Variants in RALGPS2 observed in about 807,000 individuals in gnomAD.
The protein encoded by RALGPS2 is Ral GEF with PH domain and SH3 binding motif 2, also known as ras-specific guanine nucleotide-releasing factor RalGPS2.
Under a neutral mutation model 86.8 loss-of-function variants are expected in RALGPS2, and 43 were observed. That is an observed-to-expected ratio of 0.50 (90% CI 0.39 to 0.64). The LOEUF is 0.64. Ranked by LOEUF, RALGPS2 falls within the 30% of genes least tolerant of loss-of-function variation. RALGPS2 has a pLI of 0.00. For synonymous variants in RALGPS2, 243 were observed against 231.3 expected, an observed-to-expected ratio of 1.05 and a Z score of -0.46; for missense variants, 536 against 694.6, an observed-to-expected ratio of 0.77 and a Z score of 2.57.
intron 1 of RALGPS2, among the ~76,000 whole-genome samples, chr1:178,768,977 G>C (rs539779021): frequency 1.9e-4 from 29 of 152,252 alleles, no homozygotes; most frequent in African/African-American, 6.7e-4. Flanking sequence ...GGAATGGTAG[G>C]GTGGCTCAGG....
intron 18 of RALGPS2, among the ~76,000 whole-genome samples, chr1:178,905,625 G>A (rs1660358877): frequency 6.6e-6 from 1 of 152,140 alleles, no homozygotes; most frequent in African/African-American, 2.4e-5. Context: ...ATTGAATGCA[G>A]TTATTAAGGA....
chr1:178,885,859 T>G (rs1180773817), intron 12 of RALGPS2, 110 bp from the exon 13 acceptor site: 1 of 958,340 alleles, frequency 1.0e-6, no homozygotes, highest in Non-Finnish European at 1.5e-6. Context: ...TATGGTAAGA[T>G]CTGAGTATGA....
chr1:178,887,964 G>A (rs1659560896), intron 13 of RALGPS2, among the ~76,000 whole-genome samples: 1 of 151,982 alleles, frequency 6.6e-6, no homozygotes, highest in Admixed American at 6.6e-5. Flanking sequence ...CAGCTCTCAA[G>A]TATATAATAT....
intron 19 of RALGPS2, among the ~76,000 whole-genome samples, chr1:178,907,311 A>G (rs1182988066): frequency 1.3e-5 from 2 of 152,200 alleles, no homozygotes; most frequent in African/African-American, 2.4e-5. Flanking sequence ...AAGCACAGAA[A>G]GGTAGCTAGT....
intron 1 of RALGPS2, among the ~76,000 whole-genome samples, chr1:178,768,774 G>A (rs1205264996): frequency 2.0e-5 from 3 of 152,228 alleles, no homozygotes; most frequent in Non-Finnish European, 4.4e-5. Context: ...AATCCAGTGG[G>A]TGGCCACCAG....
chr1:178,834,107 A>C (rs1426473404), intron 8 of RALGPS2, among the ~76,000 whole-genome samples: 1 of 152,170 alleles, frequency 6.6e-6, no homozygotes, highest in Non-Finnish European at 1.5e-5. Flanking sequence ...TTAACCAGTA[A>C]TATTATAAGA....
intron 1 of RALGPS2, among the ~76,000 whole-genome samples, chr1:178,768,398 T>C (rs955528758): frequency 2.6e-5 from 4 of 152,184 alleles, no homozygotes; most frequent in African/African-American, 9.7e-5. Context: ...CTTTCCCCAC[T>C]CCCTAGGGGG....
chr1:178,791,498 A>G (rs1236789624), intron 4 of RALGPS2, among the ~76,000 whole-genome samples: 1 of 152,134 alleles, frequency 6.6e-6, no homozygotes, highest in Non-Finnish European at 1.5e-5. Flanking sequence ...GTTTATTTAT[A>G]TTAAAATATG....
At chr1:178,884,846 G>C (rs980475937) in intron 11 of RALGPS2, among the ~76,000 whole-genome samples, 2 of 152,166 alleles carry the variant, frequency 1.3e-5, no homozygotes, top group East Asian at 3.8e-4. Flanking sequence ...TATGTAAATG[G>C]AGAAAATATT....
intron 4 of RALGPS2, among the ~76,000 whole-genome samples, chr1:178,790,523 T>C (rs1394431224): frequency 6.6e-6 from 1 of 152,232 alleles, no homozygotes; most frequent in East Asian, 1.9e-4. Flanking sequence ...TTTCTTTATG[T>C]ATAGGTATCC....
At chr1:178,882,102 T>G (rs534089690) in intron 10 of RALGPS2, among the ~76,000 whole-genome samples, 1 of 152,352 alleles carries the variant, frequency 6.6e-6, no homozygotes, top group Non-Finnish European at 1.5e-5. Flanking sequence ...GACGATGTTG[T>G]AAGCAGCTGG....
chr1:178,899,547 T>C (rs538281334), intron 17 of RALGPS2, among the ~76,000 whole-genome samples: 16 of 151,864 alleles, frequency 1.1e-4, no homozygotes, highest in African/African-American at 3.1e-4. Context: ...GAGGAAAATA[T>C]CTGCTATATG....
intron 8 of RALGPS2, among the ~76,000 whole-genome samples, chr1:178,846,107 T>C (rs1020020935): frequency 5.3e-5 from 8 of 152,236 alleles, no homozygotes; most frequent in African/African-American, 1.9e-4. Context: ...AATAGTTTTG[T>C]ATTCATATTT....
intron 8 of RALGPS2, among the ~76,000 whole-genome samples, chr1:178,839,827 A>G (rs985801110): frequency 2.0e-5 from 3 of 152,216 alleles, no homozygotes; most frequent in African/African-American, 7.2e-5. Context: ...TCTGCCAAGC[A>G]AATGGAAAAC....
At chr1:178,865,819 C>A (rs1282082712) in intron 8 of RALGPS2, 2 of 1,452,708 alleles carry the variant, frequency 1.4e-6, no homozygotes, top group Non-Finnish European at 9.2e-7. Context: ...AAAAACAAAT[C>A]AGTGAAGGAG....
chr1:178,741,632 A>G lies in RALGPS2; in HGVS notation c.-84+16213A>G, dbSNP rs1446661584. 2.6e-5 allele frequency among the ~76,000 whole-genome samples: 4 copies of G among 152,206 alleles called. No homozygotes were observed. In the East Asian group the frequency reaches 7.7e-4, roughly 29 times the overall value. ...ATGGTAAGTTAAAGTTAAATACTAT[A>G]AATCCTAACACAATCCTGTGAAACA... On this transcript the variant is annotated intron_variant, in intron 1 of 19. Transcript: ENST00000367635.
Position 178,883,530 on chromosome 1 carries a change from G to GT in RALGPS2, c.902dup (p.Gly302ArgfsTer3). On this transcript the variant is annotated frameshift_variant, in exon 11 of 20. Coordinates refer to ENST00000367635, the MANE Select transcript of RALGPS2 (RefSeq NM_152663.5). LOFTEE classifies it high-confidence loss of function. ...TTCTGCTGCTTCCAGAGAAGATTTA[G>GT]TAGGTCAGTACGTAGTTTTCTCTTG... 1 of 1,609,048 alleles carries GT rather than the reference G, an allele frequency of 6.2e-7. No homozygotes were observed. The highest frequency in any genetic ancestry group is 8.5e-7 in the Non-Finnish European group (1 of 1,175,478).
At chr1:178,793,935 AG>A (rs1469210039) in intron 4 of RALGPS2, among the ~76,000 whole-genome samples, 1 of 152,164 alleles carries the variant, frequency 6.6e-6, no homozygotes, top group Non-Finnish European at 1.5e-5. Flanking sequence ...AATGCTGAGT[AG>A]GGCAGAAGTT....
chr1:178,754,075 G>A (rs1373293204), intron 1 of RALGPS2, among the ~76,000 whole-genome samples: 1 of 151,910 alleles, frequency 6.6e-6, no homozygotes, highest in African/African-American at 2.4e-5. Context: ...GCCCGCCTCG[G>A]CCTCCCAAAG....
Sources: gnomAD v4.1 joint callset for allele counts (sites outside exome capture counted in the v4.1 genomes callset) on GRCh38, gnomAD v4.1.1 for gene constraint, MANE v1.5 for transcripts, NCBI Gene and HGNC (gene_info 2026-07-23, HGNC 2026-07-21) for gene names.